The following AFF1 variants were observed in gnomAD, a reference collection of about 807,000 sequenced individuals.
AFF1 encodes ALF transcription elongation factor 1.
Under a neutral mutation model 121.7 loss-of-function variants are expected in AFF1, and 48 were observed. That is an observed-to-expected ratio of 0.39 (90% confidence interval 0.31 to 0.50). The LOEUF is 0.50. Ranked by LOEUF, AFF1 falls within the 20% of genes least tolerant of loss-of-function variation. The pLI is 0.76. For missense variants in AFF1, 1,523 were observed against 1,511.7 expected, an observed-to-expected ratio of 1.01 and a Z score of -0.12; for synonymous variants, 613 against 563.0, an observed-to-expected ratio of 1.09 and a Z score of -1.26.
chr4:87,026,262 A>C (rs1728526767), intron 2 of AFF1, among the ~76,000 whole-genome samples: 1 of 152,038 alleles, frequency 6.6e-6, no homozygotes, highest in African/African-American at 2.4e-5. Context: ...ACACCCAGCT[A>C]ATTTTTGTAC....
intron 2 of AFF1, among the ~76,000 whole-genome samples, chr4:86,989,590 G>A (rs1333686263): frequency 6.6e-6 from 1 of 152,234 alleles, no homozygotes; most frequent in Non-Finnish European, 1.5e-5. Context: ...GTGTAAATTA[G>A]TTCAACCATT....
At chr4:86,970,233 A>C (rs1722848294) in intron 2 of AFF1, among the ~76,000 whole-genome samples, 1 of 152,130 alleles carries the variant, frequency 6.6e-6, no homozygotes, top group African/African-American at 2.4e-5. Flanking sequence ...CACACTTGTA[A>C]TCCCAGCACT....
intron 2 of AFF1, among the ~76,000 whole-genome samples, chr4:86,961,176 A>T (rs187665704): frequency 6.6e-6 from 1 of 152,318 alleles, no homozygotes; most frequent in East Asian, 1.9e-4. Flanking sequence ...ATACCCATGA[A>T]AATATTTAAT....
intron 2 of AFF1, among the ~76,000 whole-genome samples, chr4:86,999,591 GA>G (rs1472662176): frequency 6.6e-6 from 1 of 152,184 alleles, no homozygotes; most frequent in African/African-American, 2.4e-5. Flanking sequence ...TGGAGTTACA[GA>G]GAGAAGTTTA....
intron 2 of AFF1, among the ~76,000 whole-genome samples, chr4:86,955,315 GAACTATCATT>G (rs1721660775): frequency 6.6e-6 from 1 of 152,150 alleles, no homozygotes; most frequent in African/African-American, 2.4e-5. Flanking sequence ...TAGGACTAAT[GAACTATCATT>G]AACTGAATAA....
intron 2 of AFF1, among the ~76,000 whole-genome samples, chr4:87,018,309 C>A (rs1048737690): frequency 6.6e-6 from 1 of 151,884 alleles, no homozygotes; most frequent in African/African-American, 2.4e-5. Context: ...AACAAACTGA[C>A]AAATAAAACA....
chr4:87,043,393 G>A lies in AFF1; in HGVS notation c.39-2773G>A, dbSNP rs574461192. 3.3e-5 allele frequency among the ~76,000 whole-genome samples: 5 copies of A among 152,304 alleles called. No individual in the cohort carries two copies. The South Asian group carries it at 1.0e-3, about 32-fold the overall frequency. On this transcript the variant is annotated intron_variant, in intron 2 of 20. Coordinates refer to ENST00000395146, the MANE Select transcript of AFF1 (RefSeq NM_001166693.3). ...TTAGATGCTCAGAGGATGGTTGCCT[G>A]CTTAGCTCCTCCCTGCAAAAACTGG... is the stretch of plus-strand genomic sequence containing the variant.
intron 2 of AFF1, among the ~76,000 whole-genome samples, chr4:86,953,789 G>A (rs1034662456): frequency 6.6e-6 from 1 of 151,454 alleles, no homozygotes; most frequent in South Asian, 2.1e-4. Flanking sequence ...GCGCGATCTC[G>A]GCTCACTGGA....
At chr4:87,004,779 T>A (rs1725967939) in intron 2 of AFF1, among the ~76,000 whole-genome samples, 1 of 152,264 alleles carries the variant, frequency 6.6e-6, no homozygotes, top group Non-Finnish European at 1.5e-5. Flanking sequence ...TTTGTTGCAA[T>A]GTTGTTTTGG....
intron 2 of AFF1, among the ~76,000 whole-genome samples, chr4:87,030,063 C>T (rs1435440149): frequency 1.3e-5 from 2 of 151,990 alleles, no homozygotes; most frequent in African/African-American, 4.8e-5. Context: ...ATTGCTGTCA[C>T]TGAAAGACTG....
chr4:87,017,940 T>A lies in AFF1; in HGVS notation c.39-28226T>A, dbSNP rs368048369. Among the ~76,000 whole-genome samples, 14 of 148,488 alleles carry A rather than the reference T, an allele frequency of 9.4e-5. No homozygotes were observed. In the East Asian group the frequency reaches 2.2e-3, roughly 23 times the overall value. ...CTTTTTAGCATTCAGTCGTTCTATT[T>A]AAAAAAAAAAAAGCTGTGAGGCTCT... On this transcript the variant is annotated intron_variant, in intron 2 of 20. Coordinates refer to ENST00000395146, the MANE Select transcript of AFF1 (RefSeq NM_001166693.3).
chr4:87,140,513 A>G lies in AFF1; in HGVS notation c.*4812A>G, dbSNP rs1449819116. 1 of 172,532 alleles carries G rather than the reference A, an allele frequency of 5.8e-6. No individual in the cohort carries two copies. The highest frequency in any genetic ancestry group is 2.4e-5 in the African/African-American group (1 of 41,500). The allele number at this position is 172,532 out of a possible 1,614,324, so 10.7% of individuals were successfully genotyped here. A position where few individuals can be genotyped will look rare whatever the true frequency, so the allele number is the denominator to read the frequency against. ...TATATTATATATTTTTTGCTTTCTT[A>G]TAACTTTGGAGGAAAGTCAAATCTT... On this transcript the variant is annotated 3_prime_UTR_variant, in exon 21 of 21. Coordinates refer to ENST00000395146, the MANE Select transcript of AFF1 (RefSeq NM_001166693.3).
chr4:87,091,369 C>T (rs746440337), intron 6 of AFF1, among the ~76,000 whole-genome samples: 5 of 152,214 alleles, frequency 3.3e-5, no homozygotes, highest in African/African-American at 7.2e-5. Flanking sequence ...CACCACTGCA[C>T]TCCAGCCTGG....
intron 2 of AFF1, among the ~76,000 whole-genome samples, chr4:87,034,321 T>A (rs1729354387): frequency 6.6e-6 from 1 of 152,186 alleles, no homozygotes; most frequent in Non-Finnish European, 1.5e-5. Context: ...GGGGCCTTGT[T>A]GGCCAGGCTT....
intron 4 of AFF1, among the ~76,000 whole-genome samples, chr4:87,078,484 T>C (rs896885007): frequency 1.8e-4 from 28 of 152,254 alleles, no homozygotes; most frequent in African/African-American, 6.3e-4. Flanking sequence ...GTAGAGAGGA[T>C]GCAATAACAG....
intron 5 of AFF1, among the ~76,000 whole-genome samples, chr4:87,088,414 A>G (rs1578224575): frequency 6.6e-6 from 1 of 152,242 alleles, no homozygotes; most frequent in African/African-American, 2.4e-5. Context: ...GGAGACCTGC[A>G]CATAGGTTGG....
intron 11 of AFF1, among the ~76,000 whole-genome samples, chr4:87,110,713 A>G (rs1227547257): frequency 3.3e-5 from 5 of 150,012 alleles, no homozygotes; most frequent in Non-Finnish European, 6.0e-5. Flanking sequence ...TGTGCATAAT[A>G]ATAAGCTCAA....
intron 2 of AFF1, among the ~76,000 whole-genome samples, chr4:86,957,591 G>A (rs1339154212): frequency 6.6e-6 from 1 of 152,026 alleles, no homozygotes; most frequent in Non-Finnish European, 1.5e-5. Flanking sequence ...TGCCCAGGCT[G>A]GAGTGCAGTG....
intron 5 of AFF1, among the ~76,000 whole-genome samples, chr4:87,086,164 T>C (rs1560610756): frequency 1.3e-5 from 2 of 152,256 alleles, no homozygotes; most frequent in Admixed American, 1.3e-4. Context: ...TTTGTTGGTA[T>C]GGTAAGTCGT....
Sources: allele counts gnomAD v4.1 joint callset (sites outside exome capture counted in the v4.1 genomes callset), GRCh38; gene constraint gnomAD v4.1.1; transcripts MANE v1.5; gene names NCBI Gene and HGNC (gene_info 2026-07-23, HGNC 2026-07-21).